Variants in PIK3R6 observed in about 807,000 individuals in gnomAD.
The protein encoded by PIK3R6 is phosphoinositide 3-kinase regulatory subunit 6.
In PIK3R6, 91 loss-of-function variants were observed where a neutral mutation model predicts 84.9. That is an observed-to-expected ratio of 1.07 (90% confidence interval 0.90 to 1.28). The LOEUF is 1.28. Among genes scored for constraint, PIK3R6 ranks in the 50% most tolerant of loss-of-function variants. PIK3R6 has a pLI of 0.00. For missense variants in PIK3R6, 996 were observed against 985.1 expected (o/e 1.01, Z -0.15); for synonymous variants, 416 against 411.4 (o/e 1.01, Z -0.13).
chr17:8,828,655 C>T lies in PIK3R6; in HGVS notation c.1225G>A (p.Gly409Ser), dbSNP rs377554327. The T allele has an allele frequency of 5.7e-5, 92 of 1,613,166 alleles. 2 individuals are homozygous for T. In the South Asian group the frequency reaches 9.3e-4, roughly 16 times the overall value. The change falls in exon 11 of 20, where the codon GGC becomes AGC. Residue 409 changes from glycine to serine, a missense_variant. Coordinates refer to ENST00000619866, the MANE Select transcript of PIK3R6 (RefSeq NM_001010855.4). ...RPSGDGEMLP[G>S]VSRLHTARVL... ...CGGGCTGTGTGCAGCCGGGACACGC[C>T]GGGCAGCATTTCCCCATCCCCACTG...
intron 18 of PIK3R6, among the ~76,000 whole-genome samples, chr17:8,814,461 G>A (rs558179438): frequency 2.0e-5 from 3 of 151,936 alleles, no homozygotes; most frequent in African/African-American, 4.8e-5. Context: ...CTCGTGATCC[G>A]CCCTCCTCTG....
At chr17:8,832,070 C>T (rs894795911) in intron 9 of PIK3R6, among the ~76,000 whole-genome samples, 14 of 152,206 alleles carry the variant, frequency 9.2e-5, no homozygotes, top group African/African-American at 2.2e-4. Flanking sequence ...GGTCCTTGGA[C>T]GATCAAATCC....
intron 18 of PIK3R6, among the ~76,000 whole-genome samples, chr17:8,805,344 A>G (rs2087171152): frequency 6.6e-6 from 1 of 151,436 alleles, no homozygotes; most frequent in African/African-American, 2.4e-5. Flanking sequence ...TATTAATTAT[A>G]ATTTTCCAAG....
chr17:8,804,877 A>G (rs1432100154), intron 18 of PIK3R6, among the ~76,000 whole-genome samples: 3 of 152,262 alleles, frequency 2.0e-5, no homozygotes, highest in African/African-American at 7.2e-5. Flanking sequence ...CTGGCTGCCC[A>G]TAAGAATCAA....
intron 1 of PIK3R6, among the ~76,000 whole-genome samples, chr17:8,856,245 T>C (rs1848299123): frequency 1.3e-5 from 2 of 152,240 alleles, no homozygotes; most frequent in South Asian, 4.1e-4. Flanking sequence ...ACAGAGTTTC[T>C]GGGTACCCTT....
rs576348210 is a variant in PIK3R6, at chr17:8,866,365, A to C, written c.-92+1164T>G. On this transcript the variant is annotated intron_variant, in intron 1 of 19. Transcript: ENST00000619866. ...ATCCTGGCTAACACGGTGAAAACAC[A>C]AAAAATTACTACTAAAAATACAAAA... is the stretch of plus-strand genomic sequence containing the variant. Among the ~76,000 whole-genome samples, 124 of 152,182 alleles carry C rather than the reference A, an allele frequency of 8.1e-4. 1 individual carries two copies. Among genetic ancestry groups the C allele is most frequent in the African/African-American group, 2.8e-3 (118 of 41,500 alleles).
chr17:8,851,200 A>T (rs1425638313), intron 1 of PIK3R6, among the ~76,000 whole-genome samples: 2 of 151,908 alleles, frequency 1.3e-5, no homozygotes, highest in Non-Finnish European at 2.9e-5. Flanking sequence ...AAACAAAAAC[A>T]AAAAAACAAA....
At chr17:8,826,546 A>G (rs1208341292) in intron 13 of PIK3R6, among the ~76,000 whole-genome samples, 2 of 152,144 alleles carry the variant, frequency 1.3e-5, no homozygotes, top group African/African-American at 4.8e-5. Flanking sequence ...CAAACACCAC[A>G]TGTTCTCACT....
At chr17:8,846,628 A>G (rs1451133528) in intron 2 of PIK3R6, among the ~76,000 whole-genome samples, 1 of 152,102 alleles carries the variant, frequency 6.6e-6, no homozygotes, top group Non-Finnish European at 1.5e-5. Flanking sequence ...TGTGTCATCT[A>G]TAATTTCTTT....
intron 1 of PIK3R6, among the ~76,000 whole-genome samples, chr17:8,853,503 T>TA (rs2089038386): frequency 7.4e-6 from 1 of 136,020 alleles, no homozygotes; most frequent in Non-Finnish European, 1.6e-5. Context: ...AAAAAAATAA[T>TA]AATAATAATA....
chr17:8,822,932 A>G (rs2087789738), intron 15 of PIK3R6, 64 bp downstream of exon 15: 1 of 1,332,708 alleles, frequency 7.5e-7, no homozygotes, highest in East Asian at 2.3e-5. Flanking sequence ...TGAGAGGTGG[A>G]AGGATGAGAG....
intron 18 of PIK3R6, among the ~76,000 whole-genome samples, chr17:8,809,769 C>A (rs917796666): frequency 6.6e-6 from 1 of 152,044 alleles, no homozygotes; most frequent in African/African-American, 2.4e-5. Flanking sequence ...ATGCTGCATA[C>A]AAGAAATCTG....
rs1446503854 is a variant in PIK3R6 at position 8,839,538 on chromosome 17, CTGTATGCGCG to C, written c.97+66_97+75del. On this transcript the variant is annotated intron_variant, in intron 3 of 19. Transcript: ENST00000619866. The surrounding 1 kb of genome is among the most constrained non-coding windows in gnomAD (Gnocchi z 4.2). ...CTGAGCTCCAGGCCGGGGCTCTTTC[CTGTATGCGCG>C]TGTATTGTTGGCTGGGGTTGGGTGG... 2 of 1,222,308 alleles carry C rather than the reference CTGTATGCGCG, an allele frequency of 1.6e-6. No homozygotes were observed. Among genetic ancestry groups the C allele is most frequent in the Admixed American group, 4.5e-5 (2 of 44,398 alleles). 75.7% of individuals were successfully genotyped at this position (1,222,308 alleles called of 1,614,324 possible).
intron 12 of PIK3R6, 40 bp downstream of exon 12, chr17:8,828,072 C>T (rs760288236): frequency 6.3e-7 from 1 of 1,597,406 alleles, no homozygotes; most frequent in South Asian, 1.1e-5. Flanking sequence ...CCAGCCTGCC[C>T]TGTCTCTGCC....
At chr17:8,838,075 G>T (rs753856081) in intron 4 of PIK3R6, among the ~76,000 whole-genome samples, 23 of 152,026 alleles carry the variant, frequency 1.5e-4, no homozygotes, top group African/African-American at 5.6e-4. Flanking sequence ...GTGTGGGAGC[G>T]TGGGGGGGCC....
In PIK3R6 at chr17:8,839,060, G is replaced by T. The variant is rs1052726110; in HGVS notation, c.98-405C>A. On this transcript the variant is annotated intron_variant, in intron 3 of 19. Transcript: ENST00000619866. The surrounding 1 kb of genome is among the most constrained non-coding windows in gnomAD (Gnocchi z 4.2). The stretch of plus-strand genomic sequence containing the variant: ...CTAGGGAAGGTGGTTAACAAAGAGG[G>T]TGGCAGGCCGGGTGCCGTGGCTCAT... Among the ~76,000 whole-genome samples, 1 of 152,160 alleles carries T rather than the reference G, an allele frequency of 6.6e-6. No homozygotes were observed. The highest frequency in any genetic ancestry group is 1.9e-4 in the East Asian group (1 of 5,182).
At chr17:8,859,312 G>A (rs937290823) in intron 1 of PIK3R6, among the ~76,000 whole-genome samples, 10 of 152,040 alleles carry the variant, frequency 6.6e-5, no homozygotes, top group Non-Finnish European at 1.0e-4. Context: ...CCTGGGGTGC[G>A]TGGTCTACCA....
chr17:8,828,535 G>T, intron 11 of PIK3R6, 32 bp downstream of exon 11: 1 of 1,601,880 alleles, frequency 6.2e-7, no homozygotes. Flanking sequence ...CCTGACCAGC[G>T]CCCACCCCCA....
Position 8,833,050 on chromosome 17 carries a change from T to G in PIK3R6, c.646-5A>C. ...CAGGGTGCGGCGAGGGCTGGCCTGTTGGGGAGGGGCGTCAGAGCCTGGGTC... is the reference window on the plus strand; with the variant it reads ...CAGGGTGCGGCGAGGGCTGGCCTGTGGGGGAGGGGCGTCAGAGCCTGGGTC... On this transcript the variant is annotated splice_region_variant and splice_polypyrimidine_tract_variant and intron_variant, in intron 8 of 19. Transcript: ENST00000619866. The G allele has an allele frequency of 6.3e-7, 1 of 1,576,044 alleles. No homozygotes were observed. The highest frequency in any genetic ancestry group is 2.3e-5 in the East Asian group (1 of 43,430).
Sources: allele counts gnomAD v4.1 joint callset (sites outside exome capture counted in the v4.1 genomes callset), GRCh38; gene constraint gnomAD v4.1.1; non-coding constraint Gnocchi (gnomAD v3.1); transcripts MANE v1.5; gene names NCBI Gene and HGNC (gene_info 2026-07-23, HGNC 2026-07-21).